Variants in TFEC observed in about 807,000 individuals in gnomAD.
TFEC encodes the protein class E basic helix-loop-helix protein 34.
Under a neutral mutation model 41.6 loss-of-function variants are expected in TFEC, and 31 were observed. The ratio of observed to expected loss-of-function variants is 0.74; its 90% CI spans 0.56 to 1.01. The LOEUF (loss-of-function observed/expected upper bound fraction) is 1.01. Among genes scored for constraint, TFEC ranks in the 50% least tolerant of loss-of-function variants. TFEC has a pLI of 0.00. For synonymous variants in TFEC, 143 were observed against 140.6 expected (o/e 1.02, Z -0.12); for missense variants, 402 against 404.1 (o/e 0.99, Z 0.04).
At chr7:116,060,877 A>C (rs1796539535) in intron 3 of TFEC, among the ~76,000 whole-genome samples, 1 of 152,126 alleles carries the variant, frequency 6.6e-6, no homozygotes, top group Admixed American at 6.6e-5. Context: ...TTTAAAAATA[A>C]ATAAATAAAC....
intron 1 of TFEC, among the ~76,000 whole-genome samples, chr7:116,024,988 T>C (rs1327955958): frequency 6.6e-6 from 1 of 152,166 alleles, no homozygotes; most frequent in African/African-American, 2.4e-5. Flanking sequence ...TCAGCTGTCA[T>C]ATATCTCACT....
upstream of TFEC, among the ~76,000 whole-genome samples, chr7:116,034,280 C>A (rs1334469380): frequency 6.6e-6 from 1 of 152,044 alleles, no homozygotes; most frequent in African/African-American, 2.4e-5. Flanking sequence ...TTTATATCAT[C>A]TATATGCTAA....
chr7:116,069,399 G>T (rs1796772382), intron 3 of TFEC, among the ~76,000 whole-genome samples: 1 of 151,586 alleles, frequency 6.6e-6, no homozygotes, highest in Admixed American at 6.6e-5. Context: ...AAGAGTTTGA[G>T]TAATCCTATG....
intron 1 of TFEC, among the ~76,000 whole-genome samples, chr7:116,148,087 A>C (rs1458522277): frequency 2.0e-5 from 3 of 152,206 alleles, no homozygotes; most frequent in Admixed American, 6.5e-5. Flanking sequence ...GATTTAAGCA[A>C]AGACTTCAAC....
chr7:116,030,796 G>GA, upstream of TFEC: 8 of 985,384 alleles, frequency 8.1e-6, no homozygotes, highest in Non-Finnish European at 9.6e-6. Context: ...GTTAGTTGAG[G>GA]AAAGAGAAAA....
chr7:116,127,641 C>A (rs1393645903), intron 1 of TFEC, among the ~76,000 whole-genome samples: 1 of 146,328 alleles, frequency 6.8e-6, no homozygotes, highest in Non-Finnish European at 1.5e-5. Flanking sequence ...TCTCATTTTG[C>A]TATTACCACC....
chr7:116,053,293 T>C (rs1158621888), intron 3 of TFEC, among the ~76,000 whole-genome samples: 2 of 152,194 alleles, frequency 1.3e-5, no homozygotes, highest in Non-Finnish European at 2.9e-5. Flanking sequence ...TAATCAAATG[T>C]GAAACCCCTC....
chr7:115,951,356 A>G (rs1037925680), intron 5 of TFEC, among the ~76,000 whole-genome samples: 1 of 152,074 alleles, frequency 6.6e-6, no homozygotes, highest in Non-Finnish European at 1.5e-5. Flanking sequence ...CTGTCCTCAA[A>G]GCCTAACGCA....
intron 3 of TFEC, among the ~76,000 whole-genome samples, chr7:116,077,740 T>C (rs1367235340): frequency 1.3e-5 from 2 of 152,118 alleles, no homozygotes; most frequent in South Asian, 2.1e-4. Context: ...ATCCTAAATA[T>C]AGATGCACCT....
chr7:116,136,299 T>C (rs114331752), intron 1 of TFEC, among the ~76,000 whole-genome samples: 2 of 152,174 alleles, frequency 1.3e-5, no homozygotes, highest in African/African-American at 2.4e-5. Context: ...AAAAGTATTG[T>C]TTTAAAATGT....
At chr7:116,133,201 C>T (rs754802253) in intron 1 of TFEC, among the ~76,000 whole-genome samples, 1 of 152,128 alleles carries the variant, frequency 6.6e-6, no homozygotes, top group Admixed American at 6.5e-5. Context: ...TTTAGATTCT[C>T]GGCAACAAAA....
chr7:116,035,442 T>C (rs1247540144), upstream of TFEC, among the ~76,000 whole-genome samples: 2 of 152,148 alleles, frequency 1.3e-5, no homozygotes, highest in South Asian at 2.1e-4. Context: ...CACATATTTC[T>C]TTTATAAGCA....
intron 3 of TFEC, among the ~76,000 whole-genome samples, chr7:116,085,259 T>G (rs940738039): frequency 6.6e-6 from 1 of 151,876 alleles, no homozygotes; most frequent in South Asian, 2.1e-4. Flanking sequence ...TGTTTTAGAC[T>G]ATGAAAAGGA....
chr7:116,000,343 C>T (rs1371050699), intron 1 of TFEC, among the ~76,000 whole-genome samples: 2 of 152,094 alleles, frequency 1.3e-5, no homozygotes, highest in Admixed American at 1.3e-4. Flanking sequence ...GACAGACCCA[C>T]AGATAATATA....
intron 3 of TFEC, among the ~76,000 whole-genome samples, chr7:116,070,638 G>T (rs1160198710): frequency 6.6e-6 from 1 of 151,338 alleles, no homozygotes; most frequent in Non-Finnish European, 1.5e-5. Context: ...GGTCAGAAAT[G>T]TTCTCTTTTA....
intron 3 of TFEC, among the ~76,000 whole-genome samples, chr7:116,089,713 G>A (rs1020138044): frequency 2.6e-5 from 4 of 152,102 alleles, no homozygotes; most frequent in Admixed American, 2.0e-4. Flanking sequence ...CCCACTGAGG[G>A]TGCAAAAGAC....
chr7:116,046,986 C>T (rs139192028), intron 3 of TFEC, among the ~76,000 whole-genome samples: 4 of 152,260 alleles, frequency 2.6e-5, no homozygotes, highest in African/African-American at 2.4e-5. Context: ...ACTTAGAAAG[C>T]ATTTACTTGT....
intron 3 of TFEC, among the ~76,000 whole-genome samples, chr7:116,063,649 T>G (rs1026345781): frequency 6.6e-6 from 1 of 152,074 alleles, no homozygotes; most frequent in East Asian, 1.9e-4. Context: ...GGGGTGATGA[T>G]GGATATATTT....
In TFEC at chr7:115,935,193, T is replaced by C. The variant is rs969906484; in HGVS notation, c.*5358A>G. ...TTTCATTTAATATATGCAAAGAAAA[T>C]ATTGGTACATTTTAAGGTATTTTTA... On this transcript the variant is annotated 3_prime_UTR_variant, in exon 8 of 8. Transcript: ENST00000265440. 6.6e-6 allele frequency: 1 copy of C among 151,816 alleles called. No individual in the cohort carries two copies. The highest frequency in any genetic ancestry group is 1.5e-5 in the Non-Finnish European group (1 of 67,648). The allele number at this position is 151,816 out of a possible 1,614,324, so 9.4% of individuals were successfully genotyped here.
Sources: gnomAD v4.1 joint callset for allele counts (sites outside exome capture counted in the v4.1 genomes callset) on GRCh38, gnomAD v4.1.1 for gene constraint, MANE v1.5 for transcripts, NCBI Gene and HGNC (gene_info 2026-07-23, HGNC 2026-07-21) for gene names.